Variants in SH3PXD2A observed in about 807,000 individuals in gnomAD.
SH3PXD2A encodes SH3 and PX domain-containing protein 2A.
Under a neutral mutation model 115.2 loss-of-function variants are expected in SH3PXD2A, and 32 were observed. That is an observed-to-expected ratio of 0.28 (90% confidence interval 0.21 to 0.37). SH3PXD2A has a LOEUF of 0.37. SH3PXD2A is among the 10% of genes least tolerant of loss of function. The pLI is 1.00. For missense variants in SH3PXD2A, 1,328 were observed against 1,498.7 expected (o/e 0.89, Z 1.88); for synonymous variants, 610 against 629.1 (o/e 0.97, Z 0.45).
At chr10:103,693,301 C>A in intron 5 of SH3PXD2A, 1 of 149,930 alleles carries the variant, frequency 6.7e-6, no homozygotes, top group South Asian at 1.9e-4. Context: ...CCGCCCCGCC[C>A]CGCCCCAGCC....
chr10:103,671,524 C>A (rs1287032490), intron 6 of SH3PXD2A, among the ~76,000 whole-genome samples: 1 of 152,166 alleles, frequency 6.6e-6, no homozygotes, highest in Non-Finnish European at 1.5e-5. Context: ...TTTCCCAGTC[C>A]CCTGACCTGC....
chr10:103,779,886 A>C (rs1044730823), intron 2 of SH3PXD2A, among the ~76,000 whole-genome samples: 2 of 152,158 alleles, frequency 1.3e-5, no homozygotes, highest in South Asian at 4.1e-4. Context: ...GCTGCCTGAC[A>C]CTTTTCTCTC....
intron 1 of SH3PXD2A, among the ~76,000 whole-genome samples, chr10:103,848,615 T>A (rs1483080047): frequency 2.6e-5 from 4 of 152,154 alleles, no homozygotes; most frequent in African/African-American, 9.7e-5. Context: ...CAGCTTTTCC[T>A]TGCACGTTCC....
At chr10:103,759,046 A>T (rs1472194157) in intron 3 of SH3PXD2A, among the ~76,000 whole-genome samples, 1 of 152,156 alleles carries the variant, frequency 6.6e-6, no homozygotes, top group Non-Finnish European at 1.5e-5. Flanking sequence ...ACAGACACCT[A>T]TAGCCCAGGG....
chr10:103,679,722 G>T (rs1165049331), intron 6 of SH3PXD2A, among the ~76,000 whole-genome samples: 1 of 152,176 alleles, frequency 6.6e-6, no homozygotes, highest in East Asian at 1.9e-4. Context: ...AGGTCCCCCT[G>T]GGGGGGCCAT....
rs944677327 is a variant in SH3PXD2A at position 103,665,152 on chromosome 10, G to A, written c.472+3456C>T. 1.3e-5 allele frequency among the ~76,000 whole-genome samples: 2 copies of A among 152,184 alleles called. No homozygotes were observed. The highest frequency in any genetic ancestry group is 2.9e-5 in the Non-Finnish European group (2 of 68,026). On this transcript the variant is annotated intron_variant, in intron 7 of 14. Coordinates refer to ENST00000369774, the MANE Select transcript of SH3PXD2A (RefSeq NM_001394015.1). This position sits in a 1 kb window ranked among gnomAD's most constrained non-coding sequence, Gnocchi z 4.0. ...TATGAATACCTTGACTCTGATATGG[G>A]AATATGGGAAAATGAGCCAAACTCG...
chr10:103,807,018 A>G (rs1019750324), intron 1 of SH3PXD2A, among the ~76,000 whole-genome samples: 6 of 152,194 alleles, frequency 3.9e-5, no homozygotes, highest in Non-Finnish European at 7.4e-5. Context: ...CACAAGGCCC[A>G]CCAATGTCTG....
intron 3 of SH3PXD2A, among the ~76,000 whole-genome samples, chr10:103,759,674 A>G (rs1206721647): frequency 4.6e-5 from 7 of 152,160 alleles, no homozygotes; most frequent in Admixed American, 3.9e-4. Context: ...CGTAATGACC[A>G]TTTCCTCTCA....
chr10:103,603,503 C>T lies in SH3PXD2A; in HGVS notation c.1715G>A (p.Ser572Asn). ...GGCTCTGTCCTCCACGGGCTCCTCGCTCAGCTCAGGCTCTGAGTCAAAGCC... is the reference window on the plus strand; with the variant it reads ...GGCTCTGTCCTCCACGGGCTCCTCGTTCAGCTCAGGCTCTGAGTCAAAGCC... Reference protein sequence around the residue: ...AFGFDSEPELSEEPVEDRASG... With the variant: ...AFGFDSEPELNEEPVEDRASG... Residue 572 changes from serine to asparagine, a missense_variant, in exon 15 of 15, where the codon AGC becomes AAC. By Grantham distance (46) the Ser-to-Asn change is conservative. Around this residue, in one of 5 missense-constraint regions of SH3PXD2A, gnomAD observed 509 missense variants for 628.3 expected, o/e 0.81. Coordinates refer to ENST00000369774, the MANE Select transcript of SH3PXD2A (RefSeq NM_001394015.1). 6.2e-7 allele frequency: 1 copy of T among 1,611,758 alleles called. No individual in the cohort carries two copies. The highest frequency in any genetic ancestry group is 8.5e-7 in the Non-Finnish European group (1 of 1,178,826).
Position 103,746,846 on chromosome 10 carries a change from C to T in SH3PXD2A, c.230-11038G>A, listed in dbSNP as rs976543765. 3 of 152,624 alleles carry T rather than the reference C, an allele frequency of 2.0e-5. No individual in the cohort carries two copies. Among genetic ancestry groups the T allele is most frequent in the African/African-American group, 7.2e-5 (3 of 41,452 alleles). The allele number at this position is 152,624 out of a possible 1,614,324, so 9.5% of individuals were successfully genotyped here. ...GTTCCTGGAGCACTGTTCCTGCTGCCCTTTGCCCAGCCATTGCCTTGCATC... is the reference window on the plus strand; with the variant it reads ...GTTCCTGGAGCACTGTTCCTGCTGCTCTTTGCCCAGCCATTGCCTTGCATC... On this transcript the variant is annotated intron_variant, in intron 3 of 14. Transcript: ENST00000369774. This position sits in a 1 kb window ranked among gnomAD's most constrained non-coding sequence, Gnocchi z 4.4.
At chr10:103,677,616 T>A (rs1184726458) in intron 6 of SH3PXD2A, among the ~76,000 whole-genome samples, 2 of 152,218 alleles carry the variant, frequency 1.3e-5, no homozygotes, top group Non-Finnish European at 2.9e-5. Context: ...CTTTGTTCAC[T>A]GACTGTTCCC....
At chr10:103,714,242 G>C (rs1330947808) in intron 5 of SH3PXD2A, among the ~76,000 whole-genome samples, 1 of 152,174 alleles carries the variant, frequency 6.6e-6, no homozygotes, top group Non-Finnish European at 1.5e-5. Context: ...GCCTTCCTTG[G>C]GGGTAAGAGA....
chr10:103,735,701 GC>G, intron 4 of SH3PXD2A, 30 bp downstream of exon 4: 1 of 1,278,292 alleles, frequency 7.8e-7, no homozygotes. Context: ...CCCTCCCCGA[GC>G]CCCTCCCCCA....
intron 1 of SH3PXD2A, among the ~76,000 whole-genome samples, chr10:103,854,837 C>T (rs1027588379): frequency 6.6e-6 from 1 of 152,090 alleles, no homozygotes; most frequent in African/African-American, 2.4e-5. Flanking sequence ...CGCCCAGGGC[C>T]CCTGGGGAGG....
rs186933078 is a variant in SH3PXD2A, at chr10:103,601,548, T to G, written c.*268A>C. On this transcript the variant is annotated 3_prime_UTR_variant, in exon 15 of 15. Coordinates refer to ENST00000369774, the MANE Select transcript of SH3PXD2A (RefSeq NM_001394015.1). ...TGAAGTCCCTATGGTGCACAGGATA[T>G]CTCAGCTTTCTTGGCTCTGGGTCCC... 5 of 377,450 alleles carry G rather than the reference T, an allele frequency of 1.3e-5. No individual in the cohort carries two copies. Among genetic ancestry groups the G allele is most frequent in the Non-Finnish European group, 4.8e-6 (1 of 207,494 alleles). The allele number at this position is 377,450 out of a possible 1,614,324, so 23.4% of individuals were successfully genotyped here.
intron 1 of SH3PXD2A, among the ~76,000 whole-genome samples, chr10:103,831,163 A>G (rs535572744): frequency 6.6e-6 from 1 of 152,382 alleles, no homozygotes. Context: ...TAATATTTAC[A>G]TAAATGGTAT....
At chr10:103,823,912 GCACT>G (rs1396859464) in intron 1 of SH3PXD2A, among the ~76,000 whole-genome samples, 1 of 152,156 alleles carries the variant, frequency 6.6e-6, no homozygotes, top group African/African-American at 2.4e-5. Context: ...TGTCAAGGCC[GCACT>G]CACTCCTGCA....
chr10:103,779,686 C>T (rs1439288947), intron 2 of SH3PXD2A, among the ~76,000 whole-genome samples: 1 of 152,152 alleles, frequency 6.6e-6, no homozygotes, highest in East Asian at 1.9e-4. Flanking sequence ...TGTGAGACAG[C>T]CAGCCAGAGG....
At chr10:103,852,478 T>C (rs1161422682) in intron 1 of SH3PXD2A, among the ~76,000 whole-genome samples, 1 of 152,240 alleles carries the variant, frequency 6.6e-6, no homozygotes, top group Non-Finnish European at 1.5e-5. Flanking sequence ...CTCTCTGCTC[T>C]GCAATTTACC....
Sources: allele counts gnomAD v4.1 joint callset (sites outside exome capture counted in the v4.1 genomes callset), GRCh38; gene constraint gnomAD v4.1.1; regional missense constraint gnomAD v4.1.1; non-coding constraint Gnocchi (gnomAD v3.1); transcripts MANE v1.5; gene names NCBI Gene and HGNC (gene_info 2026-07-23, HGNC 2026-07-21).